Variants in SDHA observed in about 807,000 individuals in gnomAD.
SDHA encodes succinate dehydrogenase [ubiquinone] flavoprotein subunit, mitochondrial.
A neutral mutation model predicts 78.4 loss-of-function variants in SDHA; 48 were observed. The observed-to-expected ratio is 0.61, with a 90% confidence interval of 0.49 to 0.78. SDHA has a LOEUF of 0.78. Among genes scored for constraint, SDHA ranks in the 30% least tolerant of loss-of-function variants. The pLI, the probability that SDHA is intolerant of heterozygous loss-of-function variation, is 0.00. For synonymous variants in SDHA, 326 were observed against 353.9 expected, an observed-to-expected ratio of 0.92 and a Z score of 0.88; for missense variants, 680 against 892.7, an observed-to-expected ratio of 0.76 and a Z score of 3.04.
chr5:254,099 C>T (rs1737025016), intron 13 of SDHA, among the ~76,000 whole-genome samples: 1 of 147,566 alleles, frequency 6.8e-6, no homozygotes, highest in South Asian at 2.3e-4. Flanking sequence ...GGTAGTCTCC[C>T]AGCACATGGA....
intron 11 of SDHA, among the ~76,000 whole-genome samples, chr5:246,582 A>G (rs1736478295): frequency 6.6e-6 from 1 of 152,258 alleles, no homozygotes; most frequent in African/African-American, 2.4e-5. Flanking sequence ...TAGATTTGCT[A>G]ATTTTTCCAA....
chr5:243,460 G>A (rs1561004036), intron 11 of SDHA, among the ~76,000 whole-genome samples: 1 of 152,166 alleles, frequency 6.6e-6, no homozygotes, highest in Non-Finnish European at 1.5e-5. Flanking sequence ...TATAACTGCA[G>A]ACCAGCTTTT....
intron 2 of SDHA, among the ~76,000 whole-genome samples, chr5:223,959 G>T (rs1442176462): frequency 6.6e-6 from 1 of 150,878 alleles, no homozygotes; most frequent in Non-Finnish European, 1.5e-5. Context: ...GGGGCCCCTC[G>T]GGTGTGGGTT....
At position 248,336 on chromosome 5, in the gene SDHA, G is replaced by T. The variant is rs923420245; in HGVS notation, c.1552-2656G>T. The stretch of plus-strand genomic sequence containing the variant: ...CGTCGAACACAGCCACCCACCTGAG[G>T]TCAGATCAAGAAGCTGTCACAGATG... On this transcript the variant is annotated intron_variant, in intron 11 of 14. Transcript: ENST00000264932. Among the ~76,000 whole-genome samples the T allele has an allele frequency of 3.9e-5, 6 of 152,262 alleles. 1 individual carries two copies. Among genetic ancestry groups the T allele is most frequent in the East Asian group, 3.9e-4 (2 of 5,178 alleles).
intron 7 of SDHA, among the ~76,000 whole-genome samples, chr5:231,964 CAG>C (rs972615939): frequency 6.6e-6 from 1 of 152,060 alleles, no homozygotes; most frequent in Non-Finnish European, 1.5e-5. Flanking sequence ...GACATTAACT[CAG>C]AAATGACAGT....
intron 11 of SDHA, among the ~76,000 whole-genome samples, chr5:247,008 TTAAC>T (rs1736508042): frequency 6.6e-6 from 1 of 152,202 alleles, no homozygotes; most frequent in African/African-American, 2.4e-5. Flanking sequence ...ATTTTTGAAA[TTAAC>T]TAATTGGATT....
chr5:258,265 A>G (rs113730101), downstream of SDHA, among the ~76,000 whole-genome samples: 16,725 of 60,580 alleles, frequency 0.28, 2,985 homozygotes, highest in African/African-American at 0.38. Flanking sequence ...GCTCCGCCCC[A>G]TGTTAGAGCA....
intron 14 of SDHA, 70 bp downstream of exon 14, chr5:254,576 T>C: frequency 6.7e-7 from 1 of 1,486,332 alleles, no homozygotes; most frequent in Non-Finnish European, 9.0e-7. Context: ...CGGGCTGGCC[T>C]TGCTGATGGT....
intron 11 of SDHA, among the ~76,000 whole-genome samples, chr5:246,958 G>T (rs1409398733): frequency 6.4e-4 from 90 of 140,040 alleles, no homozygotes; most frequent in Non-Finnish European, 2.5e-4. Context: ...AGCTGACTTT[G>T]TGGGTATTCT....
intron 10 of SDHA, among the ~76,000 whole-genome samples, chr5:239,993 T>C (rs1480064604): frequency 6.6e-6 from 1 of 152,200 alleles, no homozygotes; most frequent in East Asian, 1.9e-4. Context: ...GCTCTTGAAT[T>C]CCTGACCTCA....
downstream of SDHA, among the ~76,000 whole-genome samples, chr5:259,374 G>A (rs1479411731): frequency 1.6e-5 from 1 of 62,776 alleles, no homozygotes; most frequent in East Asian, 3.2e-4. Flanking sequence ...TCCGCCCCCC[G>A]CCACAGCATT....
chr5:238,563 T>A (rs531415391), intron 10 of SDHA, among the ~76,000 whole-genome samples: 8 of 152,016 alleles, frequency 5.3e-5, no homozygotes, highest in African/African-American at 1.9e-4. Context: ...AGGGACAGGG[T>A]CTCCCTGTGT....
downstream of SDHA, among the ~76,000 whole-genome samples, chr5:258,898 G>C (rs1363225775): frequency 6.4e-5 from 3 of 46,872 alleles, no homozygotes; most frequent in Admixed American, 1.9e-4. Context: ...CCCTCCGCCA[G>C]AGCATTACCG....
chr5:235,747 G>A (rs938655423), intron 9 of SDHA: 1 of 347,890 alleles, frequency 2.9e-6, no homozygotes, highest in Admixed American at 4.1e-5. Flanking sequence ...TAGACGAAGA[G>A]GTGAACGGGG....
chr5:265,978 C>T, the SDHA span, among the ~76,000 whole-genome samples: 4 of 149,302 alleles, frequency 2.7e-5, no homozygotes, highest in Non-Finnish European at 5.9e-5. Flanking sequence ...GGGACCCTAC[C>T]CCAGATCTTC....
At chr5:258,201 C>A (rs1298214696), downstream of SDHA, among the ~76,000 whole-genome samples, 3 of 129,130 alleles carry the variant, frequency 2.3e-5, no homozygotes, top group East Asian at 2.0e-4. Context: ...GTGAGCTCCA[C>A]CCCCTGCCAG....
At chr5:222,162 G>T (rs1209904275) in intron 1 of SDHA, among the ~76,000 whole-genome samples, 1 of 151,532 alleles carries the variant, frequency 6.6e-6, no homozygotes, top group Non-Finnish European at 1.5e-5. Flanking sequence ...TTCATTTTCT[G>T]AAAAAAGAAA....
chr5:253,402 C>T lies in SDHA; in HGVS notation c.1795-991C>T, dbSNP rs529873635. ...GAGTTTCCTGCAAAGTATATGAATCCGTGTTTGCCAGAATACAGAATAATA... is the reference window on the plus strand; with the variant it reads ...GAGTTTCCTGCAAAGTATATGAATCTGTGTTTGCCAGAATACAGAATAATA... On this transcript the variant is annotated intron_variant, in intron 13 of 14. Coordinates refer to ENST00000264932, the MANE Select transcript of SDHA (RefSeq NM_004168.4). 7.9e-5 allele frequency among the ~76,000 whole-genome samples: 12 copies of T among 152,168 alleles called. No individual in the cohort carries two copies. In the South Asian group the frequency reaches 1.9e-3, roughly 24 times the overall value.
intron 5 of SDHA, 25 bp from the exon 6 acceptor site, chr5:228,160 G>C: frequency 6.3e-7 from 1 of 1,597,844 alleles, no homozygotes; most frequent in Non-Finnish European, 8.5e-7. Flanking sequence ...AACACTTCTT[G>C]CCCTTTTTTT....
Sources: gnomAD v4.1 joint callset for allele counts (sites outside exome capture counted in the v4.1 genomes callset) on GRCh38, gnomAD v4.1.1 for gene constraint, MANE v1.5 for transcripts, NCBI Gene and HGNC (gene_info 2026-07-23, HGNC 2026-07-21) for gene names.